Variants in FAM107B observed in about 807,000 individuals in gnomAD.
The protein encoded by FAM107B is protein FAM107B.
FAM107B carries 21 observed loss-of-function variants against 31.5 expected under a neutral mutation model. The ratio of observed to expected loss-of-function variants is 0.67; its 90% CI spans 0.47 to 0.96. The LOEUF (loss-of-function observed/expected upper bound fraction) is 0.96. FAM107B is among the 40% of genes least tolerant of loss of function. FAM107B has a pLI of 0.00. For missense variants in FAM107B, 452 were observed against 377.1 expected (o/e 1.20, Z -1.64); for synonymous variants, 157 against 141.5 (o/e 1.11, Z -0.78).
chr10:14,634,344 G>A (rs572318376), intron 2 of FAM107B, among the ~76,000 whole-genome samples: 1 of 150,648 alleles, frequency 6.6e-6, no homozygotes, highest in African/African-American at 2.4e-5. Flanking sequence ...GGGTTGCAGT[G>A]AGCCAAGAGC....
intron 2 of FAM107B, among the ~76,000 whole-genome samples, chr10:14,582,612 T>C (rs1460247687): frequency 6.6e-6 from 1 of 151,616 alleles, no homozygotes; most frequent in Non-Finnish European, 1.5e-5. Context: ...CTCCTGACCT[T>C]GTGATCTGCC....
intron 1 of FAM107B, among the ~76,000 whole-genome samples, chr10:14,705,120 A>G (rs1043795902): frequency 2.0e-5 from 3 of 152,034 alleles, no homozygotes; most frequent in African/African-American, 7.3e-5. Context: ...GCTGCACCAC[A>G]TCACTAATCA....
chr10:14,577,655 G>A (rs916603432), intron 2 of FAM107B, among the ~76,000 whole-genome samples: 6 of 152,276 alleles, frequency 3.9e-5, no homozygotes, highest in East Asian at 3.9e-4. Context: ...GTTCTCTAAC[G>A]CTAATCTCAG....
intron 1 of FAM107B, among the ~76,000 whole-genome samples, chr10:14,769,505 C>T (rs1034787980): frequency 3.3e-5 from 5 of 152,176 alleles, no homozygotes; most frequent in Non-Finnish European, 5.9e-5. Context: ...GTGCCTCAGT[C>T]TCCCAAGTAG....
intron 2 of FAM107B, among the ~76,000 whole-genome samples, chr10:14,615,664 A>T (rs1356749976): frequency 6.6e-6 from 1 of 152,220 alleles, no homozygotes; most frequent in Non-Finnish European, 1.5e-5. Context: ...TGCTTATTTA[A>T]TTTTTTAATA....
intron 2 of FAM107B, among the ~76,000 whole-genome samples, chr10:14,593,106 T>C (rs1852073258): frequency 1.3e-5 from 2 of 152,178 alleles, no homozygotes; most frequent in Admixed American, 1.3e-4. Context: ...GATAAAGAGA[T>C]CAACAAAGAT....
intron 1 of FAM107B, among the ~76,000 whole-genome samples, chr10:14,772,362 A>AAAAAAAATATATATATATATAT (rs10651238): frequency 6.9e-6 from 1 of 145,590 alleles, no homozygotes; most frequent in African/African-American, 2.6e-5. Context: ...TTAAAAAAAA[A>AAAAAAAATATATATATATATAT]ATATATATAT....
chr10:14,764,750 G>A (rs369970856), intron 1 of FAM107B, among the ~76,000 whole-genome samples: 2 of 152,180 alleles, frequency 1.3e-5, no homozygotes, highest in Non-Finnish European at 2.9e-5. Flanking sequence ...ATGGTTCCTA[G>A]ACCGTAAGAC....
intron 2 of FAM107B, chr10:14,571,892 A>G (rs1851256481): frequency 5.1e-6 from 5 of 985,346 alleles, no homozygotes; most frequent in Non-Finnish European, 4.8e-6. Context: ...GGCCTAAGTG[A>G]CGAACGGTTA....
At position 14,767,034 on chromosome 10, in the gene FAM107B, A is replaced by ATG. The variant is rs1564295528; in HGVS notation, c.411+7218_411+7219insCA. 1.1e-4 allele frequency among the ~76,000 whole-genome samples: 3 copies of ATG among 28,226 alleles called. 1 individual carries two copies. The allele number at this position is 28,226 out of a possible 152,430, so 18.5% of individuals were successfully genotyped here. A position where few individuals can be genotyped will look rare whatever the true frequency, so the allele number is the denominator to read the frequency against. The stretch of plus-strand genomic sequence containing the variant: ...ATCCCTGATGTGTATGTATATATAT[A>ATG]TATATATATATATATATATATAGAG... On this transcript the variant is annotated intron_variant, in intron 1 of 4. Coordinates refer to ENST00000181796, the MANE Select transcript of FAM107B (RefSeq NM_031453.4).
chr10:14,735,491 T>C (rs1367557896), intron 1 of FAM107B, among the ~76,000 whole-genome samples: 2 of 152,180 alleles, frequency 1.3e-5, no homozygotes, highest in East Asian at 1.9e-4. Context: ...AGGATGTCTG[T>C]CTGCCCAGTA....
chr10:14,676,412 G>A (rs1452307227), intron 1 of FAM107B, among the ~76,000 whole-genome samples: 1 of 152,122 alleles, frequency 6.6e-6, no homozygotes, highest in African/African-American at 2.4e-5. Context: ...AGCAAAAACT[G>A]TGCTTCCCTT....
At position 14,565,350 on chromosome 10, in the gene FAM107B, C is replaced by G. The variant is rs188508709; in HGVS notation, c.470-34835G>C. The stretch of plus-strand genomic sequence containing the variant: ...GGGAGAGCATTTGATGAAATGCAGT[C>G]CAAGGGGAGAACCCTCGGCAGACAT... On this transcript the variant is annotated intron_variant, in intron 2 of 4. Coordinates refer to ENST00000181796, the MANE Select transcript of FAM107B (RefSeq NM_031453.4). Among the ~76,000 whole-genome samples the G allele has an allele frequency of 2.6e-5, 4 of 152,210 alleles. No individual in the cohort carries two copies. The East Asian group carries it at 7.7e-4, about 29-fold the overall frequency.
intron 2 of FAM107B, chr10:14,663,461 G>C (rs765648770): frequency 2.0e-5 from 3 of 152,278 alleles, no homozygotes; most frequent in Non-Finnish European, 4.4e-5. Flanking sequence ...GATCTGATGA[G>C]ATTGGGTGCG....
intron 1 of FAM107B, among the ~76,000 whole-genome samples, chr10:14,751,605 C>T (rs150146792): frequency 1.2e-4 from 18 of 151,918 alleles, no homozygotes; most frequent in Non-Finnish European, 2.2e-4. Flanking sequence ...TGGGCTAAAG[C>T]GATCCTCCAA....
intron 1 of FAM107B, among the ~76,000 whole-genome samples, chr10:14,670,286 T>C (rs1053398414): frequency 2.0e-5 from 3 of 152,226 alleles, no homozygotes; most frequent in Non-Finnish European, 2.9e-5. Context: ...ATAAGCAATT[T>C]GGGTAAATAA....
chr10:14,687,227 A>G (rs577186142), intron 1 of FAM107B, among the ~76,000 whole-genome samples: 1 of 152,338 alleles, frequency 6.6e-6, no homozygotes, highest in Non-Finnish European at 1.5e-5. Flanking sequence ...CAACATAATT[A>G]CATGAACCTG....
chr10:14,695,168 A>G (rs1386676819), intron 1 of FAM107B, among the ~76,000 whole-genome samples: 1 of 151,904 alleles, frequency 6.6e-6, no homozygotes, highest in Non-Finnish European at 1.5e-5. Context: ...TTTTGAGTTG[A>G]TTTTTGTGTA....
intron 2 of FAM107B, among the ~76,000 whole-genome samples, chr10:14,599,447 C>A (rs924101546): frequency 6.6e-6 from 1 of 152,208 alleles, no homozygotes; most frequent in Non-Finnish European, 1.5e-5. Context: ...GACTTACACA[C>A]GCCCCCAACA....
Sources: gnomAD v4.1 joint callset for allele counts (sites outside exome capture counted in the v4.1 genomes callset) on GRCh38, gnomAD v4.1.1 for gene constraint, MANE v1.5 for transcripts, NCBI Gene and HGNC (gene_info 2026-07-23, HGNC 2026-07-21) for gene names.